Variants in MEF2C observed in about 807,000 individuals in gnomAD.
The protein encoded by MEF2C is myocyte-specific enhancer factor 2C.
A neutral mutation model predicts 50.5 loss-of-function variants in MEF2C; 6 were observed. The ratio of observed to expected loss-of-function variants is 0.12; its 90% confidence interval spans 0.07 to 0.23. The LOEUF (loss-of-function observed/expected upper bound fraction) is 0.23. MEF2C is among the 10% of genes least tolerant of loss of function. MEF2C has a pLI of 1.00. For synonymous variants in MEF2C, 183 were observed against 228.0 expected, an observed-to-expected ratio of 0.80 and a Z score of 1.78; for missense variants, 276 against 605.0, an observed-to-expected ratio of 0.46 and a Z score of 5.70.
intron 3 of MEF2C, among the ~76,000 whole-genome samples, chr5:88,793,298 C>T (rs1455713564): frequency 1.3e-5 from 2 of 151,898 alleles, no homozygotes; most frequent in African/African-American, 2.4e-5. Flanking sequence ...GAGGAATGTA[C>T]GTATGTACGA....
At position 88,719,412 on chromosome 5, in the gene MEF2C, C is replaced by T. The variant is rs1211723921; in HGVS notation, c.*3192G>A. The T allele has an allele frequency of 6.6e-6, 1 of 152,206 alleles. No homozygotes were observed. Among genetic ancestry groups the T allele is most frequent in the African/African-American group, 2.4e-5 (1 of 41,454 alleles). 9.4% of individuals were successfully genotyped at this position (152,206 alleles called of 1,614,324 possible). A position where few individuals can be genotyped will look rare whatever the true frequency, so the allele number is the denominator to read the frequency against. On this transcript the variant is annotated 3_prime_UTR_variant, in exon 11 of 11. Transcript: ENST00000504921. ...CAGGTTGTGCAGCTTGCGTATATTG[C>T]ATCACTGTTACCAGTATTCAAGCTT...
At chr5:88,786,430 C>T (rs1268871348) in intron 3 of MEF2C, among the ~76,000 whole-genome samples, 2 of 151,978 alleles carry the variant, frequency 1.3e-5, no homozygotes, top group African/African-American at 4.8e-5. Context: ...AGCCTCTCAG[C>T]CAGATGTATC....
intron 4 of MEF2C, among the ~76,000 whole-genome samples, chr5:88,756,394 G>A (rs921710740): frequency 1.2e-4 from 18 of 152,092 alleles, no homozygotes; most frequent in Non-Finnish European, 2.2e-4. Flanking sequence ...CCACTTCTAA[G>A]TGAGAACATA....
chr5:88,733,523 T>A lies in MEF2C; in HGVS notation c.638-1622A>T, dbSNP rs989610518. Reference sequence around the variant, plus strand: ...TGCTAGTGTGGACCAGTCTGGAGACTACTTTGATGGCCTGAGATAGAGGCC... The same window carrying A: ...TGCTAGTGTGGACCAGTCTGGAGACAACTTTGATGGCCTGAGATAGAGGCC... On this transcript the variant is annotated intron_variant, in intron 6 of 10. Transcript: ENST00000504921. 72 of 985,232 alleles carry A rather than the reference T, an allele frequency of 7.3e-5. No individual in the cohort carries two copies. In the African/African-American group the frequency reaches 1.2e-3, roughly 16 times the overall value. The allele number at this position is 985,232 out of a possible 1,614,324, so 61.0% of individuals were successfully genotyped here.
chr5:88,722,400 G>A lies in MEF2C; in HGVS notation c.*204C>T. On this transcript the variant is annotated 3_prime_UTR_variant, in exon 11 of 11. Coordinates refer to ENST00000504921, the MANE Select transcript of MEF2C (RefSeq NM_002397.5). ...ACAAGTGTTCTGTTGTACAACTCAAGTGCTAAGCTTATCTCAGCATTTCTG... is the reference window on the plus strand; with the variant it reads ...ACAAGTGTTCTGTTGTACAACTCAAATGCTAAGCTTATCTCAGCATTTCTG... 1.8e-6 allele frequency: 1 copy of A among 548,100 alleles called. No homozygotes were observed. The allele number at this position is 548,100 out of a possible 1,614,324, so 34.0% of individuals were successfully genotyped here.
intron 1 of MEF2C, among the ~76,000 whole-genome samples, chr5:88,895,570 C>T (rs932926512): frequency 1.3e-5 from 2 of 152,166 alleles, no homozygotes; most frequent in Non-Finnish European, 2.9e-5. Context: ...GTGAACTCCT[C>T]TTAAAACAGG....
At chr5:88,862,451 C>T (rs1483258931) in intron 1 of MEF2C, among the ~76,000 whole-genome samples, 1 of 152,012 alleles carries the variant, frequency 6.6e-6, no homozygotes, top group Admixed American at 6.6e-5. Flanking sequence ...ATTAGAGTAC[C>T]CGAAGTTCTT....
chr5:88,804,225 C>A (rs1320263567), intron 3 of MEF2C, among the ~76,000 whole-genome samples: 1 of 152,068 alleles, frequency 6.6e-6, no homozygotes, highest in Non-Finnish European at 1.5e-5. Context: ...CTATTATATA[C>A]CTAAAATAAA....
At chr5:88,861,609 C>G (rs1825555240) in intron 1 of MEF2C, among the ~76,000 whole-genome samples, 1 of 152,120 alleles carries the variant, frequency 6.6e-6, no homozygotes, top group African/African-American at 2.4e-5. Context: ...TCACAGAAAG[C>G]TTTGCCTTTC....
chr5:88,772,739 C>G lies in MEF2C; in HGVS notation c.259-11411G>C, dbSNP rs552133900. On this transcript the variant is annotated intron_variant, in intron 3 of 10. Coordinates refer to ENST00000504921, the MANE Select transcript of MEF2C (RefSeq NM_002397.5). ...TTTCTCCCTCTTCCTAATAAACCAG[C>G]CTGCTCTTCAAGGAGTGGCTATAAG... 1.7e-5 allele frequency: 17 copies of G among 985,418 alleles called. No individual in the cohort carries two copies. The Admixed American group carries it at 6.1e-4, about 36-fold the overall frequency. 61.0% of individuals were successfully genotyped at this position (985,418 alleles called of 1,614,324 possible). A position where few individuals can be genotyped will look rare whatever the true frequency, so the allele number is the denominator to read the frequency against.
chr5:88,744,215 A>C, intron 6 of MEF2C: 1 of 853,432 alleles, frequency 1.2e-6, no homozygotes, highest in Non-Finnish European at 1.4e-6. Context: ...AAACAACCGA[A>C]CTTGATCTTA....
At chr5:88,815,617 T>A (rs181980297) in intron 2 of MEF2C, among the ~76,000 whole-genome samples, 15 of 152,240 alleles carry the variant, frequency 9.9e-5, no homozygotes, top group Admixed American at 8.5e-4. Context: ...CTTAATTTTT[T>A]AAAATTTTTG....
At chr5:88,750,176 G>A (rs1319788534) in intron 5 of MEF2C, 1 of 767,174 alleles carries the variant, frequency 1.3e-6, no homozygotes, top group Non-Finnish European at 1.6e-6. Flanking sequence ...AAAAGAAAAT[G>A]TTTGTTTATA....
chr5:88,863,719 G>A (rs956191368), intron 1 of MEF2C, among the ~76,000 whole-genome samples: 2 of 151,770 alleles, frequency 1.3e-5, no homozygotes, highest in African/African-American at 2.4e-5. Flanking sequence ...AACACTACAC[G>A]TACAAATGAG....
chr5:88,857,073 C>A (rs377353374), intron 1 of MEF2C, among the ~76,000 whole-genome samples: 6 of 152,290 alleles, frequency 3.9e-5, no homozygotes, highest in African/African-American at 1.4e-4. Flanking sequence ...GGGGCTATAC[C>A]CTGCAAAGCC....
chr5:88,750,212 T>A, intron 5 of MEF2C: 1 of 537,412 alleles, frequency 1.9e-6, no homozygotes, highest in Middle Eastern at 9.3e-4. Context: ...ACACGATTTT[T>A]TTTTTTTTTT....
At chr5:88,792,115 A>T (rs967589555) in intron 3 of MEF2C, among the ~76,000 whole-genome samples, 1 of 152,138 alleles carries the variant, frequency 6.6e-6, no homozygotes, top group Admixed American at 6.6e-5. Context: ...ATAATGAAAA[A>T]TACTTTTCTG....
intron 1 of MEF2C, among the ~76,000 whole-genome samples, chr5:88,854,369 C>G (rs1274511445): frequency 2.0e-5 from 3 of 152,130 alleles, no homozygotes; most frequent in Non-Finnish European, 4.4e-5. Flanking sequence ...GTGAATAAAA[C>G]TTAACCTCTG....
intron 1 of MEF2C, among the ~76,000 whole-genome samples, chr5:88,874,183 T>A (rs1012454639): frequency 2.6e-5 from 4 of 151,936 alleles, no homozygotes; most frequent in Non-Finnish European, 5.9e-5. Context: ...AGAGTCAACG[T>A]TTTAATCGGG....
Sources: allele counts gnomAD v4.1 joint callset (sites outside exome capture counted in the v4.1 genomes callset), GRCh38; gene constraint gnomAD v4.1.1; transcripts MANE v1.5; gene names NCBI Gene and HGNC (gene_info 2026-07-23, HGNC 2026-07-21).